MTARC2: variants seen among roughly 807,000 people sequenced by gnomAD.
The protein encoded by MTARC2 is mitochondrial amidoxime reducing component 2.
In MTARC2, 27 loss-of-function variants were observed where a neutral mutation model predicts 35.6. The ratio of observed to expected loss-of-function variants is 0.76; its 90% CI spans 0.56 to 1.04. The LOEUF (loss-of-function observed/expected upper bound fraction) is 1.04, where lower values mean the gene tolerates loss of function less well. MTARC2 is among the 50% of genes least tolerant of loss of function. The pLI, the probability that MTARC2 is intolerant of heterozygous loss-of-function variation, is 0.00. For synonymous variants in MTARC2, 158 were observed against 167.1 expected (o/e 0.95, Z 0.42); for missense variants, 412 against 432.5 (o/e 0.95, Z 0.42).
intron 4 of MTARC2, among the ~76,000 whole-genome samples, chr1:220,763,625 C>T (rs1163527155): frequency 6.6e-6 from 1 of 152,074 alleles, no homozygotes; most frequent in Non-Finnish European, 1.5e-5. Context: ...AGTAGAAACC[C>T]TGAACTCTGT....
chr1:220,761,222 C>T (rs3753878), intron 2 of MTARC2, among the ~76,000 whole-genome samples: 37,221 of 152,094 alleles, frequency 0.24, 5,338 homozygotes, highest in East Asian at 0.49. Flanking sequence ...TGCTTATGGT[C>T]ACAGAACTAG....
intron 4 of MTARC2, among the ~76,000 whole-genome samples, chr1:220,776,355 C>T (rs537652163): frequency 9.2e-5 from 14 of 151,964 alleles, no homozygotes; most frequent in Middle Eastern, 3.4e-3. Flanking sequence ...TGCTGAATAG[C>T]GTATTTCACT....
intron 7 of MTARC2, 89 bp from the exon 8 acceptor site, chr1:220,783,824 TAACCTC>T (rs1672145444): frequency 7.0e-6 from 5 of 713,838 alleles, no homozygotes; most frequent in Non-Finnish European, 1.0e-5. Flanking sequence ...TTTATATGTG[TAACCTC>T]AATAAGTGAC....
At chr1:220,779,987 A>G (rs1408567451) in intron 4 of MTARC2, 31 bp from the exon 5 acceptor site, 2 of 1,503,060 alleles carry the variant, frequency 1.3e-6, no homozygotes, top group Non-Finnish European at 1.8e-6. Flanking sequence ...TGAAGCCACC[A>G]TTTAAAAGAT....
At chr1:220,776,075 T>C (rs1477039643) in intron 4 of MTARC2, among the ~76,000 whole-genome samples, 1 of 152,282 alleles carries the variant, frequency 6.6e-6, no homozygotes, top group Non-Finnish European at 1.5e-5. Flanking sequence ...ATGATGGTTC[T>C]ATTTTAAGTT....
At chr1:220,763,621 A>G (rs568314219) in intron 4 of MTARC2, among the ~76,000 whole-genome samples, 2 of 152,246 alleles carry the variant, frequency 1.3e-5, no homozygotes, top group South Asian at 4.1e-4. Context: ...ACCCAGTAGA[A>G]ACCCTGAACT....
Position 220,754,168 on chromosome 1 carries a change from T to G in MTARC2, c.273-779T>G, listed in dbSNP as rs1671213004. ...TTCTTTTTGGCAACACAGTCTTTTG[T>G]GTGGTACAGCCCCAACCTATATGCT... On this transcript the variant is annotated intron_variant, in intron 1 of 7. Coordinates refer to ENST00000366913, the MANE Select transcript of MTARC2 (RefSeq NM_017898.5). Among the ~76,000 whole-genome samples, 6 of 152,336 alleles carry G rather than the reference T, an allele frequency of 3.9e-5. 1 individual carries two copies. In the South Asian group the frequency reaches 1.2e-3, roughly 32 times the overall value.
At chr1:220,760,101 G>T (rs1671401160) in intron 2 of MTARC2, among the ~76,000 whole-genome samples, 1 of 152,154 alleles carries the variant, frequency 6.6e-6, no homozygotes, top group African/African-American at 2.4e-5. Flanking sequence ...TCTACAATCA[G>T]CAAGTTCTCC....
chr1:220,783,782 G>A, intron 7 of MTARC2, 137 bp from the exon 8 acceptor site: 2 of 635,000 alleles, frequency 3.1e-6, no homozygotes, highest in Non-Finnish European at 5.8e-6. Context: ...GAGCTAATGG[G>A]CCATGCTTTC....
chr1:220,748,611 C>T lies in MTARC2; in HGVS notation c.80C>T (p.Ala27Val). ...TGGCCCAGGTGGCTCGGGGTCGCCG[C>T]GCTAGGACTGGCCGCCGTGGCCCTG... is the stretch of plus-strand genomic sequence containing the variant. ...RPWPRWLGVA[A>V]LGLAAVALGT... Residue 27 changes from alanine (A) to valine (V), a missense_variant, in exon 1 of 8, where the codon GCG (alanine) becomes GTG (valine). Ala to Val is a moderately conservative substitution (Grantham distance 64). Transcript: ENST00000366913. 6.8e-7 allele frequency: 1 copy of T among 1,478,350 alleles called. No homozygotes were observed. The highest frequency in any genetic ancestry group is 8.9e-7 in the Non-Finnish European group (1 of 1,123,598). The allele number at this position is 1,478,350 out of a possible 1,614,324, so 91.6% of individuals were successfully genotyped here. A position where few individuals can be genotyped will look rare whatever the true frequency, so the allele number is the denominator to read the frequency against.
chr1:220,774,846 A>G (rs2102566255), intron 4 of MTARC2, among the ~76,000 whole-genome samples: 1 of 152,286 alleles, frequency 6.6e-6, no homozygotes, highest in South Asian at 2.1e-4. Context: ...ATACATAGAG[A>G]GATGGACTAT....
chr1:220,774,591 G>A (rs1213841684), intron 4 of MTARC2, among the ~76,000 whole-genome samples: 1 of 152,196 alleles, frequency 6.6e-6, no homozygotes. Context: ...CAGATGAAGG[G>A]GCTGGGATGG....
intron 4 of MTARC2, among the ~76,000 whole-genome samples, chr1:220,769,559 C>T (rs905023573): frequency 7.2e-5 from 11 of 152,128 alleles, no homozygotes; most frequent in African/African-American, 2.7e-4. Context: ...TCCAGGGGAG[C>T]AAAGTCGTAA....
chr1:220,782,244 G>T (rs187125739), intron 7 of MTARC2, among the ~76,000 whole-genome samples: 1 of 152,296 alleles, frequency 6.6e-6, no homozygotes, highest in East Asian at 1.9e-4. Context: ...GAAGGTGATT[G>T]ATTCTCAGAG....
intron 7 of MTARC2, among the ~76,000 whole-genome samples, chr1:220,782,227 G>A (rs1158100678): frequency 6.6e-6 from 1 of 152,186 alleles, no homozygotes; most frequent in Non-Finnish European, 1.5e-5. Context: ...TTAAGGAATA[G>A]GGAAATGAAG....
intron 2 of MTARC2, among the ~76,000 whole-genome samples, chr1:220,758,994 C>T (rs781555351): frequency 6.6e-6 from 1 of 151,938 alleles, no homozygotes; most frequent in African/African-American, 2.4e-5. Flanking sequence ...TTTTTCTTCA[C>T]TTGTTTGTGT....
At chr1:220,758,828 AAT>A (rs1360915234) in intron 2 of MTARC2, among the ~76,000 whole-genome samples, 1 of 127,656 alleles carries the variant, frequency 7.8e-6, no homozygotes, top group African/African-American at 3.7e-5. Flanking sequence ...TTGATGTGAA[AAT>A]ATGTGTGTGT....
chr1:220,753,942 C>T (rs573106485), intron 1 of MTARC2, among the ~76,000 whole-genome samples: 1 of 152,014 alleles, frequency 6.6e-6, no homozygotes, highest in Non-Finnish European at 1.5e-5. Context: ...CCCAGCTACC[C>T]GGGAGGCTAA....
At chr1:220,775,759 A>G (rs114981560) in intron 4 of MTARC2, among the ~76,000 whole-genome samples, 3,597 of 152,260 alleles carry the variant, frequency 0.024, 109 homozygotes, top group African/African-American at 0.064. Flanking sequence ...GCCTCTACTT[A>G]TACATTAGAA....
Sources: gnomAD v4.1 joint callset for allele counts (sites outside exome capture counted in the v4.1 genomes callset) on GRCh38, gnomAD v4.1.1 for gene constraint, MANE v1.5 for transcripts, NCBI Gene and HGNC (gene_info 2026-07-23, HGNC 2026-07-21) for gene names.